Variants in GATB observed in about 807,000 individuals in gnomAD.
GATB encodes glutamyl-tRNA amidotransferase subunit B, also known as glutamyl-tRNA(Gln) amidotransferase subunit B, mitochondrial.
GATB carries 39 observed loss-of-function variants against 62.3 expected under a neutral mutation model. The observed-to-expected ratio is 0.63, with a 90% CI of 0.48 to 0.82. GATB has a LOEUF of 0.82. GATB is among the 40% of genes least tolerant of loss of function. GATB has a pLI of 0.00. For missense variants in GATB, 670 were observed against 684.0 expected (o/e 0.98, Z 0.23); for synonymous variants, 276 against 258.9 (o/e 1.07, Z -0.63).
chr4:151,730,076 C>T lies in GATB; in HGVS notation c.328-10538G>A, dbSNP rs1171491995. ...GCCCCACCTGCCCTCTGCCTGGAAACAGACTCGGGGTGTGGTGGGAGTGAG... is the reference window on the plus strand; with the variant it reads ...GCCCCACCTGCCCTCTGCCTGGAAATAGACTCGGGGTGTGGTGGGAGTGAG... On this transcript the variant is annotated intron_variant, in intron 2 of 12. Coordinates refer to ENST00000263985, the MANE Select transcript of GATB (RefSeq NM_004564.3). This position sits in a 1 kb window ranked among gnomAD's most constrained non-coding sequence, Gnocchi z 4.1. 6.6e-6 allele frequency among the ~76,000 whole-genome samples: 1 copy of T among 152,142 alleles called. No individual in the cohort carries two copies. Among genetic ancestry groups the T allele is most frequent in the Non-Finnish European group, 1.5e-5 (1 of 68,006 alleles).
At chr4:151,715,478 TTTTA>T (rs1194703133) in intron 5 of GATB, among the ~76,000 whole-genome samples, 1 of 152,262 alleles carries the variant, frequency 6.6e-6, no homozygotes, top group African/African-American at 2.4e-5. Context: ...CAGGTGTTTC[TTTTA>T]TTTGTTTTAG....
At chr4:151,751,027 T>G (rs1739712092) in intron 2 of GATB, among the ~76,000 whole-genome samples, 1 of 151,906 alleles carries the variant, frequency 6.6e-6, no homozygotes, top group Non-Finnish European at 1.5e-5. Flanking sequence ...ATAAAGTCAG[T>G]TAGAAAAAAG....
rs527923616 is a variant in GATB, at chr4:151,718,782, C to T, written c.441+643G>A. Among the ~76,000 whole-genome samples, 23 of 152,098 alleles carry T rather than the reference C, an allele frequency of 1.5e-4. 1 individual carries two copies. The highest frequency in any genetic ancestry group is 3.3e-4 in the Admixed American group (5 of 15,270). Reference sequence around the variant, plus strand: ...TCAACATTTCAGTTTTGTTCCTGTTCAATAGTATGAAAAATTGGCTCTCAC... The same window carrying T: ...TCAACATTTCAGTTTTGTTCCTGTTTAATAGTATGAAAAATTGGCTCTCAC... On this transcript the variant is annotated intron_variant, in intron 3 of 12. Coordinates refer to ENST00000263985, the MANE Select transcript of GATB (RefSeq NM_004564.3).
At chr4:151,671,424 A>G (rs1289279622) in intron 12 of GATB, 122 bp from the exon 13 acceptor site, 3 of 941,672 alleles carry the variant, frequency 3.2e-6, no homozygotes, top group Admixed American at 2.3e-5. Context: ...AGTATTAGAC[A>G]TAAAATGTAG....
At chr4:151,671,402 C>T in intron 12 of GATB, 100 bp from the exon 13 acceptor site, 1 of 1,118,460 alleles carries the variant, frequency 8.9e-7, no homozygotes, top group Non-Finnish European at 1.3e-6. Flanking sequence ...TTAAATTCCG[C>T]TTATTTCCAC....
intron 2 of GATB, among the ~76,000 whole-genome samples, chr4:151,738,162 T>C (rs762236856): frequency 2.0e-5 from 3 of 152,142 alleles, no homozygotes; most frequent in Non-Finnish European, 2.9e-5. Context: ...AAAGCAATCA[T>C]GAAGGAGACT....
At chr4:151,699,627 C>T (rs377169789) in intron 9 of GATB, among the ~76,000 whole-genome samples, 1 of 152,214 alleles carries the variant, frequency 6.6e-6, no homozygotes, top group South Asian at 2.1e-4. Context: ...CAGGCACTGT[C>T]CCCATCACCG....
chr4:151,697,985 A>ATATATATATATATATATATATATGTG (rs1560847802), intron 9 of GATB, among the ~76,000 whole-genome samples: 3 of 138,276 alleles, frequency 2.2e-5, no homozygotes, highest in African/African-American at 8.7e-5. Context: ...ATATATATAT[A>ATATATATATATATATATATATATGTG]TATATATATG....
intron 2 of GATB, among the ~76,000 whole-genome samples, chr4:151,735,867 G>T (rs773008030): frequency 6.6e-6 from 1 of 151,344 alleles, no homozygotes; most frequent in Non-Finnish European, 1.5e-5. Flanking sequence ...TTGGGGACTC[G>T]GAGGAAGAGT....
In GATB at chr4:151,671,040, G is replaced by A. The variant is rs1338872608; in HGVS notation, c.*134C>T. On this transcript the variant is annotated 3_prime_UTR_variant, in exon 13 of 13. Transcript: ENST00000263985. ...GGGTGAGAACACTGGTGACATTAATGCCATAGCTGTGGCTTGGGACAGGGA... is the reference window on the plus strand; with the variant it reads ...GGGTGAGAACACTGGTGACATTAATACCATAGCTGTGGCTTGGGACAGGGA... 5.3e-5 allele frequency: 55 copies of A among 1,044,062 alleles called. 1 individual carries two copies. The highest frequency in any genetic ancestry group is 4.6e-4 in the South Asian group (32 of 68,972). 64.7% of individuals were successfully genotyped at this position (1,044,062 alleles called of 1,614,324 possible).
intron 9 of GATB, among the ~76,000 whole-genome samples, chr4:151,689,559 G>A (rs1290339577): frequency 1.3e-5 from 2 of 152,096 alleles, no homozygotes; most frequent in African/African-American, 2.4e-5. Context: ...CCCTGTTCAC[G>A]ATATAGCTAC....
chr4:151,746,623 A>C, intron 2 of GATB, among the ~76,000 whole-genome samples: 1 of 152,224 alleles, frequency 6.6e-6, no homozygotes. Flanking sequence ...GCCTATAAGC[A>C]GTGAAATGGG....
intron 2 of GATB, among the ~76,000 whole-genome samples, chr4:151,739,810 A>C (rs1739449026): frequency 6.6e-6 from 1 of 152,194 alleles, no homozygotes; most frequent in African/African-American, 2.4e-5. Context: ...GGGAAATGGA[A>C]CCACATGAGT....
At chr4:151,674,771 T>A (rs995119923) in intron 11 of GATB, 1 of 152,242 alleles carries the variant, frequency 6.6e-6, no homozygotes, top group Non-Finnish European at 1.5e-5. Flanking sequence ...TTTGTTCATC[T>A]GCACAGACTC....
intron 6 of GATB, among the ~76,000 whole-genome samples, chr4:151,706,648 CT>C: frequency 1.5e-5 from 2 of 134,556 alleles, no homozygotes; most frequent in Middle Eastern, 3.6e-3. Flanking sequence ...ACTTTAATGC[CT>C]TTTTCCTGAA....
chr4:151,749,696 A>G (rs527842994), intron 2 of GATB, among the ~76,000 whole-genome samples: 30 of 152,260 alleles, frequency 2.0e-4, no homozygotes, highest in Admixed American at 8.5e-4. Context: ...TGTTTCCTCA[A>G]CCTTTGACAA....
At chr4:151,700,104 C>G (rs756669584) in intron 9 of GATB, among the ~76,000 whole-genome samples, 4 of 152,130 alleles carry the variant, frequency 2.6e-5, no homozygotes, top group African/African-American at 9.7e-5. Flanking sequence ...GTTACGTCAA[C>G]CTAGGAAAAA....
intron 11 of GATB, chr4:151,674,000 A>G (rs1183554041): frequency 6.6e-6 from 1 of 152,248 alleles, no homozygotes; most frequent in Non-Finnish European, 1.5e-5. Flanking sequence ...GTCTGATTCA[A>G]AAACAAACCA....
At chr4:151,673,046 C>T (rs561441752) in intron 11 of GATB, 150 bp from the exon 12 acceptor site, 2 of 939,414 alleles carry the variant, frequency 2.1e-6, no homozygotes, top group African/African-American at 1.6e-5. Flanking sequence ...AGGGAAAGGG[C>T]ACCTGGCTGC....
Sources: allele counts gnomAD v4.1 joint callset (sites outside exome capture counted in the v4.1 genomes callset), GRCh38; gene constraint gnomAD v4.1.1; non-coding constraint Gnocchi (gnomAD v3.1); transcripts MANE v1.5; gene names NCBI Gene and HGNC (gene_info 2026-07-23, HGNC 2026-07-21).